The following LMF1 variants were observed in gnomAD, a reference collection of about 807,000 sequenced individuals.
LMF1 encodes the protein lipase maturation factor 1.
A neutral mutation model predicts 60.6 loss-of-function variants in LMF1; 68 were observed. That is an observed-to-expected ratio of 1.12 (90% CI 0.92 to 1.37). The LOEUF is 1.37. Ranked by LOEUF, LMF1 falls within the 40% of genes most tolerant of loss-of-function variation. LMF1 has a pLI of 0.00. For synonymous variants in LMF1, 418 were observed against 324.7 expected (o/e 1.29, Z -3.09); for missense variants, 948 against 767.2 (o/e 1.24, Z -2.78).
rs2070070940 is a variant in LMF1 at position 878,746 on chromosome 16, G to GA, written c.897+823_897+824insT. On this transcript the variant is annotated intron_variant, in intron 6 of 10. Coordinates refer to ENST00000262301, the MANE Select transcript of LMF1 (RefSeq NM_022773.4). This position sits in a 1 kb window ranked among gnomAD's most constrained non-coding sequence, Gnocchi z 5.2. Reference sequence around the variant, plus strand: ...GGGGTGGGCAGGGCAGGGGAAGGGCGGGGGCAGGGGCGGGCAGGGCAGGGG... The same window carrying GA: ...GGGGTGGGCAGGGCAGGGGAAGGGCGAGGGGCAGGGGCGGGCAGGGCAGGGG... Among the ~76,000 whole-genome samples the GA allele has an allele frequency of 6.7e-6, 1 of 148,330 alleles. No individual in the cohort carries two copies. The highest frequency in any genetic ancestry group is 1.5e-5 in the Non-Finnish European group (1 of 67,496).
chr16:914,221 A>G (rs2071204170), intron 3 of LMF1, among the ~76,000 whole-genome samples: 1 of 151,764 alleles, frequency 6.6e-6, no homozygotes, highest in Admixed American at 6.6e-5. Context: ...GCAGTCCCTG[A>G]CCCCTCCTGG....
chr16:958,316 T>G (rs1241994528), intron 1 of LMF1, among the ~76,000 whole-genome samples: 1 of 152,196 alleles, frequency 6.6e-6, no homozygotes, highest in Non-Finnish European at 1.5e-5. Flanking sequence ...AGCCGCAGAT[T>G]GGAAGAAAAT....
intron 5 of LMF1, among the ~76,000 whole-genome samples, chr16:879,973 T>C (rs142644262): frequency 6.6e-6 from 1 of 152,120 alleles, no homozygotes; most frequent in Non-Finnish European, 1.5e-5. Flanking sequence ...ATCTTTACCA[T>C]CTAAAAGCAA....
At chr16:877,037 C>T (rs1218511691) in intron 6 of LMF1, among the ~76,000 whole-genome samples, 3 of 152,170 alleles carry the variant, frequency 2.0e-5, no homozygotes, top group East Asian at 1.9e-4. Context: ...AGATGCGTGT[C>T]GGTGAGGACA....
intron 5 of LMF1, among the ~76,000 whole-genome samples, chr16:881,030 C>T (rs2070148129): frequency 6.6e-6 from 1 of 152,214 alleles, no homozygotes; most frequent in Admixed American, 6.5e-5. Flanking sequence ...AGGCGGCCCC[C>T]AGACGCTTCA....
chr16:907,200 G>C (rs1388486787), intron 4 of LMF1, among the ~76,000 whole-genome samples: 1 of 152,112 alleles, frequency 6.6e-6, no homozygotes, highest in Non-Finnish European at 1.5e-5. Flanking sequence ...AGGAGGTCGA[G>C]ACCATCCCGG....
At chr16:931,065 G>A (rs1399394106) in intron 3 of LMF1, among the ~76,000 whole-genome samples, 4 of 151,986 alleles carry the variant, frequency 2.6e-5, no homozygotes, top group East Asian at 1.9e-4. Flanking sequence ...AGCTTGCAGT[G>A]AGCCAAGATC....
chr16:903,876 A>C (rs1340574174), intron 4 of LMF1: 1 of 92,908 alleles, frequency 1.1e-5, no homozygotes, highest in South Asian at 3.0e-4. Context: ...GCGTGGGGTG[A>C]CCTCTGCATC....
chr16:923,332 C>T (rs919567009), intron 3 of LMF1, among the ~76,000 whole-genome samples: 11 of 152,140 alleles, frequency 7.2e-5, no homozygotes, highest in Non-Finnish European at 8.8e-5. Context: ...CATTCCTCCC[C>T]ATTGCGTGGC....
chr16:925,640 TGGGA>T (rs2071571378), intron 3 of LMF1, among the ~76,000 whole-genome samples: 1 of 151,984 alleles, frequency 6.6e-6, no homozygotes, highest in African/African-American at 2.4e-5. Flanking sequence ...GAGGCTGAGG[TGGGA>T]GGATCACTTG....
At chr16:971,744 C>CT (rs1273965306), upstream of LMF1, among the ~76,000 whole-genome samples, 1 of 152,146 alleles carries the variant, frequency 6.6e-6, no homozygotes, top group Non-Finnish European at 1.5e-5. Context: ...CTAGGAAGGG[C>CT]TGGGGTCACA....
chr16:976,213 C>A (rs1165913609), intron 1 of LMF1: 1 of 447,670 alleles, frequency 2.2e-6, no homozygotes, highest in African/African-American at 2.0e-5. Context: ...GGGCTGGGGC[C>A]CAGGGCCTCG....
chr16:919,502 G>A (rs903057967), intron 3 of LMF1, among the ~76,000 whole-genome samples: 1 of 70,844 alleles, frequency 1.4e-5, no homozygotes, highest in African/African-American at 1.1e-4. Context: ...GGCAGCACCA[G>A]GGCACAGGCC....
At chr16:854,830 G>A (rs1354754113) in intron 10 of LMF1, 124 bp from the exon 11 acceptor site, 9 of 892,240 alleles carry the variant, frequency 1.0e-5, no homozygotes, top group South Asian at 7.1e-5. Context: ...GCTGCATGAG[G>A]AGCCCCCACC....
Position 869,948 on chromosome 16 carries a change from G to C in LMF1, c.1351C>G (p.Arg451Gly). The change falls in exon 9 of 11, where the codon CGG (arginine) becomes GGG (glycine). Residue 451 changes from arginine (R) to glycine (G), a missense_variant. Coordinates refer to ENST00000262301, the MANE Select transcript of LMF1 (RefSeq NM_022773.4). ...TGGTACGGGGAGATGAGGCAGGGCC[G>C]TCTGCTGGGGTCACCTGGCTTGCAC... ...FKCKPGDPSR[R>G]PCLISPYHYR... is the part of the protein sequence containing the mutation. The C allele has an allele frequency of 3.1e-6, 5 of 1,613,294 alleles. No individual in the cohort carries two copies. Among genetic ancestry groups the C allele is most frequent in the African/African-American group, 1.3e-5 (1 of 75,064 alleles).
intron 10 of LMF1, chr16:855,870 A>T (rs1225090043): frequency 2.2e-6 from 1 of 455,634 alleles, no homozygotes; most frequent in Non-Finnish European, 4.4e-6. Flanking sequence ...GGGGGTGGAG[A>T]CCTTGGGCCA....
At chr16:898,538 G>C (rs1350216327) in intron 4 of LMF1, among the ~76,000 whole-genome samples, 1 of 152,248 alleles carries the variant, frequency 6.6e-6, no homozygotes, top group East Asian at 1.9e-4. Flanking sequence ...AGCCCAGGTG[G>C]GGGCAGAGCC....
At chr16:900,329 G>A (rs369522660) in intron 4 of LMF1, 1 of 152,200 alleles carries the variant, frequency 6.6e-6, no homozygotes, top group East Asian at 1.9e-4. Flanking sequence ...TTGTGTTAAT[G>A]AGGACCAAGA....
chr16:862,806 C>A, intron 10 of LMF1, among the ~76,000 whole-genome samples: 1 of 152,052 alleles, frequency 6.6e-6, no homozygotes, highest in Admixed American at 6.5e-5. Flanking sequence ...TACAGTGAGC[C>A]ATGTTTGTGC....
Sources: allele counts gnomAD v4.1 joint callset (sites outside exome capture counted in the v4.1 genomes callset), GRCh38; gene constraint gnomAD v4.1.1; non-coding constraint Gnocchi (gnomAD v3.1); transcripts MANE v1.5; gene names NCBI Gene and HGNC (gene_info 2026-07-23, HGNC 2026-07-21).